ELMO2: variants seen among roughly 807,000 people sequenced by gnomAD.
The protein encoded by ELMO2 is engulfment and cell motility 2.
Under a neutral mutation model 96.2 loss-of-function variants are expected in ELMO2, and 37 were observed. The observed-to-expected ratio is 0.38, with a 90% CI of 0.30 to 0.51. The LOEUF (loss-of-function observed/expected upper bound fraction) is 0.51, where lower values mean the gene tolerates loss of function less well. ELMO2 is among the 20% of genes least tolerant of loss of function. The probability of loss-of-function intolerance (pLI) is 0.88; values close to 1 mark genes in which losing one functional copy is unlikely to be tolerated. For missense variants in ELMO2, 561 were observed against 912.6 expected, an observed-to-expected ratio of 0.61 and a Z score of 4.96; for synonymous variants, 315 against 329.4, an observed-to-expected ratio of 0.96 and a Z score of 0.47.
intron 11 of ELMO2, among the ~76,000 whole-genome samples, chr20:46,377,873 T>C (rs1426469550): frequency 1.3e-5 from 2 of 151,870 alleles, no homozygotes; most frequent in Non-Finnish European, 2.9e-5. Flanking sequence ...TCCTTCCCAC[T>C]CCCCCCAGTC....
At chr20:46,400,495 T>C (rs541898653) in intron 1 of ELMO2, among the ~76,000 whole-genome samples, 1 of 152,262 alleles carries the variant, frequency 6.6e-6, no homozygotes, top group Admixed American at 6.5e-5. Flanking sequence ...CACTCAGCAG[T>C]ACTGTAGCTC....
chr20:46,394,507 C>T lies in ELMO2; in HGVS notation c.-25G>A, dbSNP rs1426080023. 6.8e-6 allele frequency: 11 copies of T among 1,613,218 alleles called. No homozygotes were observed. The highest frequency in any genetic ancestry group is 2.7e-5 in the African/African-American group (2 of 74,874). On this transcript the variant is annotated 5_prime_UTR_variant, in exon 3 of 22. Coordinates refer to ENST00000290246, the MANE Select transcript of ELMO2 (RefSeq NM_133171.5). ...TCGTTCCCAATGGGCTCTAATTCTG[C>T]GAGACAAAAACACAGACACGGCTGC...
chr20:46,375,418 A>C lies in ELMO2; in HGVS notation c.931-48T>G. ...AGCAGGTGAATCGGCTAACCAAGGG[A>C]GCAAGGAAAAGAAACAGTGGGTCAG... is the stretch of plus-strand genomic sequence containing the variant. On this transcript the variant is annotated intron_variant, in intron 12 of 21. Coordinates refer to ENST00000290246, the MANE Select transcript of ELMO2 (RefSeq NM_133171.5). The surrounding 1 kb of genome is among the most constrained non-coding windows in gnomAD (Gnocchi z 4.6). 6.2e-7 allele frequency: 1 copy of C among 1,603,388 alleles called. No individual in the cohort carries two copies. Among genetic ancestry groups the C allele is most frequent in the Non-Finnish European group, 8.5e-7 (1 of 1,172,896 alleles).
chr20:46,371,241 A>G lies in ELMO2; in HGVS notation c.1801+111T>C. 9.3e-7 allele frequency: 1 copy of G among 1,073,210 alleles called. No homozygotes were observed. Among genetic ancestry groups the G allele is most frequent in the Admixed American group, 2.1e-5 (1 of 46,920 alleles). The allele number at this position is 1,073,210 out of a possible 1,614,324, so 66.5% of individuals were successfully genotyped here. On this transcript the variant is annotated intron_variant, in intron 19 of 21. Coordinates refer to ENST00000290246, the MANE Select transcript of ELMO2 (RefSeq NM_133171.5). This position sits in a 1 kb window ranked among gnomAD's most constrained non-coding sequence, Gnocchi z 5.9. ...CGCTGACAGATAAGGAAACAGGTCC[A>G]GAGAGGTAACAGGTACAAGCCCAGA...
chr20:46,390,156 AAAAATAAAAT>A (rs1217528587), intron 6 of ELMO2, among the ~76,000 whole-genome samples: 3 of 152,172 alleles, frequency 2.0e-5, no homozygotes, highest in East Asian at 3.9e-4. Context: ...CCATCTCAAA[AAAAATAAAAT>A]AAAATAAAAT....
At position 46,374,555 on chromosome 20, in the gene ELMO2, T is replaced by C; in HGVS notation, c.1151A>G (p.His384Arg). Residue 384 changes from histidine (H) to arginine (R), a missense_variant, in exon 14 of 22, where the codon CAC becomes CGC. By Grantham distance (29) the His-to-Arg change is conservative. Transcript: ENST00000290246. ...LDNMLYLAKV[H>R]QDTYIRIVLE... Reference sequence around the variant, plus strand: ...CTTTACCCGGATGTAGGTGTCCTGGTGGACTTTAGCCAAGTACAGCATGTT... The same window carrying C: ...CTTTACCCGGATGTAGGTGTCCTGGCGGACTTTAGCCAAGTACAGCATGTT... 3.7e-6 allele frequency: 6 copies of C among 1,614,174 alleles called. No homozygotes were observed. The highest frequency in any genetic ancestry group is 5.1e-6 in the Non-Finnish European group (6 of 1,180,032).
chr20:46,376,827 T>G (rs1410484726), intron 11 of ELMO2: 2 of 1,282,016 alleles, frequency 1.6e-6, no homozygotes, highest in Non-Finnish European at 2.0e-6. Flanking sequence ...AGGGCTGTGC[T>G]GTCCAGTATA....
intron 1 of ELMO2, among the ~76,000 whole-genome samples, chr20:46,405,662 C>T (rs2060423395): frequency 6.6e-6 from 1 of 151,970 alleles, no homozygotes; most frequent in Non-Finnish European, 1.5e-5. Context: ...CCGAGACGGG[C>T]GGATCACTTG....
rs551326579 is a variant in ELMO2 at position 46,404,621 on chromosome 20, T to C, written c.-126+1927A>G. On this transcript the variant is annotated intron_variant, in intron 1 of 21. Transcript: ENST00000290246. ...AGGGTATACAAAGTGTGTGACACTG[T>C]ACAGCCCAATACCACAATCCCTGGC... is the stretch of plus-strand genomic sequence containing the variant. Among the ~76,000 whole-genome samples the C allele has an allele frequency of 2.6e-4, 40 of 152,322 alleles. 1 individual carries two copies. In the South Asian group the frequency reaches 8.1e-3, roughly 31 times the overall value.
intron 1 of ELMO2, among the ~76,000 whole-genome samples, chr20:46,406,130 G>A (rs997684628): frequency 6.6e-6 from 1 of 152,172 alleles, no homozygotes; most frequent in East Asian, 1.9e-4. Flanking sequence ...GGTTGAGCAT[G>A]ACCCCGGGCT....
At chr20:46,373,647 G>T in intron 15 of ELMO2, 112 bp from the exon 16 acceptor site, 2 of 1,405,076 alleles carry the variant, frequency 1.4e-6, no homozygotes, top group Non-Finnish European at 1.9e-6. Flanking sequence ...AGCCTAAGGC[G>T]CGCAATTAAC....
At chr20:46,379,138 C>T (rs964903302) in intron 11 of ELMO2, among the ~76,000 whole-genome samples, 39 of 152,088 alleles carry the variant, frequency 2.6e-4, no homozygotes, top group African/African-American at 7.2e-4. Flanking sequence ...GGATTACAGG[C>T]GCCTATCACC....
At chr20:46,401,726 T>C (rs1316085239) in intron 1 of ELMO2, among the ~76,000 whole-genome samples, 2 of 152,234 alleles carry the variant, frequency 1.3e-5, no homozygotes, top group African/African-American at 4.8e-5. Flanking sequence ...CTTCTGAGTC[T>C]GTATGTTTGC....
Position 46,374,592 on chromosome 20 carries a change from G to T in ELMO2, c.1114C>A (p.Leu372Met). Residue 372 changes from leucine (L) to methionine (M), a missense_variant, in exon 14 of 22, where the codon CTG becomes ATG. Coordinates refer to ENST00000290246, the MANE Select transcript of ELMO2 (RefSeq NM_133171.5). ...AAGTACAGCATGTTGTCCAAGGCCA[G>T]CATTCCAGGAGGAGTCTGGGTAAAG... The part of the protein sequence containing the change: ...MDFTQTPPGM[L>M]ALDNMLYLAK... The T allele has an allele frequency of 6.2e-7, 1 of 1,614,214 alleles. No homozygotes were observed. Among genetic ancestry groups the T allele is most frequent in the Non-Finnish European group, 8.5e-7 (1 of 1,180,042 alleles).
chr20:46,403,991 C>G (rs2060379259), intron 1 of ELMO2, among the ~76,000 whole-genome samples: 1 of 152,052 alleles, frequency 6.6e-6, no homozygotes, highest in Admixed American at 6.6e-5. Flanking sequence ...GGCTGAGGCA[C>G]AAGAATCGCT....
Position 46,394,508 on chromosome 20 carries a change from G to T in ELMO2, c.-26C>A, listed in dbSNP as rs368127638. ...CGTTCCCAATGGGCTCTAATTCTGCGAGACAAAAACACAGACACGGCTGCC... is the reference window on the plus strand; with the variant it reads ...CGTTCCCAATGGGCTCTAATTCTGCTAGACAAAAACACAGACACGGCTGCC... On this transcript the variant is annotated 5_prime_UTR_variant, in exon 3 of 22. Coordinates refer to ENST00000290246, the MANE Select transcript of ELMO2 (RefSeq NM_133171.5). 6.2e-7 allele frequency: 1 copy of T among 1,613,060 alleles called. No individual in the cohort carries two copies. Among genetic ancestry groups the T allele is most frequent in the South Asian group, 1.1e-5 (1 of 91,044 alleles).
intron 10 of ELMO2, 61 bp downstream of exon 10, chr20:46,383,355 C>T (rs2059989439): frequency 4.7e-6 from 7 of 1,481,648 alleles, no homozygotes; most frequent in Non-Finnish European, 6.6e-6. Flanking sequence ...GCAAAGAGTG[C>T]ATGGGGTGAG....
At chr20:46,369,181 A>C in intron 20 of ELMO2, 1 of 506,684 alleles carries the variant, frequency 2.0e-6, no homozygotes. Context: ...AGTCACATCA[A>C]AGATGTTGTG....
rs1350966137 is a variant in ELMO2, at chr20:46,383,497, G to T, written c.678-3C>A. The T allele has an allele frequency of 1.4e-5, 23 of 1,613,520 alleles. No individual in the cohort carries two copies. The Admixed American group carries it at 3.8e-4, about 27-fold the overall frequency. Reference sequence around the variant, plus strand: ...AGGTCTGAATCTCCTGGTTGGAGCTGTGTCAATGGAGAAAGAAGAGAGAGG... The same window carrying T: ...AGGTCTGAATCTCCTGGTTGGAGCTTTGTCAATGGAGAAAGAAGAGAGAGG... On this transcript the variant is annotated splice_region_variant and splice_polypyrimidine_tract_variant and intron_variant, in intron 9 of 21. Transcript: ENST00000290246.
Sources: allele counts gnomAD v4.1 joint callset (sites outside exome capture counted in the v4.1 genomes callset), GRCh38; gene constraint gnomAD v4.1.1; non-coding constraint Gnocchi (gnomAD v3.1); transcripts MANE v1.5; gene names NCBI Gene and HGNC (gene_info 2026-07-23, HGNC 2026-07-21).